SH3D19: variants seen among roughly 807,000 people sequenced by gnomAD.
SH3D19 encodes SH3 domain containing 19.
A neutral mutation model predicts 112.1 loss-of-function variants in SH3D19; 58 were observed. The ratio of observed to expected loss-of-function variants is 0.52; its 90% CI spans 0.42 to 0.64. The LOEUF (loss-of-function observed/expected upper bound fraction) is 0.64. Ranked by LOEUF, SH3D19 falls within the 30% of genes least tolerant of loss-of-function variation. SH3D19 has a pLI of 0.00. For synonymous variants in SH3D19, 391 were observed against 448.5 expected (o/e 0.87, Z 1.62); for missense variants, 1,090 against 1,263.4 (o/e 0.86, Z 2.08).
At chr4:151,241,921 C>T (rs544063568) in intron 1 of SH3D19, among the ~76,000 whole-genome samples, 7 of 149,770 alleles carry the variant, frequency 4.7e-5, no homozygotes, top group African/African-American at 1.3e-4. Flanking sequence ...GGCCAGTGTC[C>T]GTGGCTCATG....
intron 9 of SH3D19, among the ~76,000 whole-genome samples, chr4:151,150,206 A>AAAACAT (rs1273707426): frequency 2.2e-5 from 1 of 46,160 alleles, no homozygotes; most frequent in Non-Finnish European, 4.2e-5. Flanking sequence ...AAAAAAAAAA[A>AAAACAT]ATATATATAT....
At chr4:151,231,564 T>C (rs868199141) in intron 1 of SH3D19, among the ~76,000 whole-genome samples, 1 of 152,166 alleles carries the variant, frequency 6.6e-6, no homozygotes, top group African/African-American at 2.4e-5. Context: ...TGATACCTTT[T>C]CAATAAATAT....
rs1561413445 is a variant in SH3D19, at chr4:151,265,575, T to TTC, written c.113-39490_113-39489insGA. On this transcript the variant is annotated intron_variant, in intron 1 of 19. Coordinates refer to ENST00000604030, the MANE Select transcript of SH3D19 (RefSeq NM_001378122.1). ...TATTTATTTTATTTCTTTTCTTTTT[T>TTC]TTTTTTTTTTTTTTTTTTAAAGACA... Among the ~76,000 whole-genome samples, 93 of 144,860 alleles carry TTC rather than the reference T, an allele frequency of 6.4e-4. No individual in the cohort carries two copies. In the South Asian group the frequency reaches 0.013, roughly 21 times the overall value.
At chr4:151,309,326 TG>T (rs1203383874) in intron 1 of SH3D19, among the ~76,000 whole-genome samples, 1 of 152,248 alleles carries the variant, frequency 6.6e-6, no homozygotes, top group African/African-American at 2.4e-5. Flanking sequence ...GTTCTTTATG[TG>T]GAGCCTACTT....
intron 17 of SH3D19, among the ~76,000 whole-genome samples, chr4:151,130,605 A>C (rs1169918440): frequency 6.6e-6 from 1 of 152,206 alleles, no homozygotes; most frequent in Non-Finnish European, 1.5e-5. Flanking sequence ...TATACAAATG[A>C]AACAAATGTT....
intron 1 of SH3D19, among the ~76,000 whole-genome samples, chr4:151,256,527 C>A (rs780946958): frequency 6.6e-6 from 1 of 152,162 alleles, no homozygotes; most frequent in Non-Finnish European, 1.5e-5. Flanking sequence ...TGTTCGCATT[C>A]ATTGAGAGAC....
At chr4:151,157,541 A>G (rs534335937) in intron 9 of SH3D19, among the ~76,000 whole-genome samples, 2 of 152,310 alleles carry the variant, frequency 1.3e-5, no homozygotes, top group African/African-American at 4.8e-5. Context: ...AAGCTCCTCA[A>G]AAAACTACAA....
At chr4:151,148,560 A>C in intron 10 of SH3D19, among the ~76,000 whole-genome samples, 1 of 152,342 alleles carries the variant, frequency 6.6e-6, no homozygotes, top group East Asian at 1.9e-4. Context: ...TGAAAAGCTT[A>C]TAATAAGATA....
chr4:151,293,606 CT>C (rs1449459245), intron 1 of SH3D19, among the ~76,000 whole-genome samples: 4 of 152,160 alleles, frequency 2.6e-5, no homozygotes, highest in African/African-American at 4.8e-5. Context: ...TTTCTTATGC[CT>C]TCCATTTACA....
At chr4:151,277,404 A>G (rs889132299) in intron 1 of SH3D19, among the ~76,000 whole-genome samples, 2 of 152,138 alleles carry the variant, frequency 1.3e-5, no homozygotes, top group Non-Finnish European at 2.9e-5. Flanking sequence ...TGGAAATAGC[A>G]GTACACACAC....
chr4:151,283,188 T>C, intron 1 of SH3D19: 2 of 1,613,870 alleles, frequency 1.2e-6, no homozygotes, highest in South Asian at 2.2e-5. Flanking sequence ...TGAACAGCTC[T>C]ACAATCCCAT....
intron 1 of SH3D19, among the ~76,000 whole-genome samples, chr4:151,258,354 A>G (rs2149985602): frequency 6.6e-6 from 1 of 152,350 alleles, no homozygotes; most frequent in Non-Finnish European, 1.5e-5. Context: ...TCTAGAGGCC[A>G]AGGACCTAGG....
intron 1 of SH3D19, chr4:151,282,148 G>A: frequency 6.2e-7 from 1 of 1,613,518 alleles, no homozygotes; most frequent in Non-Finnish European, 8.5e-7. Context: ...TTCCCCATAG[G>A]ACCTGGACTA....
At chr4:151,149,002 T>C (rs1754451350) in intron 10 of SH3D19, among the ~76,000 whole-genome samples, 1 of 151,896 alleles carries the variant, frequency 6.6e-6, no homozygotes, top group African/African-American at 2.4e-5. Context: ...CGCGCCACTG[T>C]ACTCCAGCCT....
chr4:151,155,875 C>T (rs1174872266), intron 9 of SH3D19, among the ~76,000 whole-genome samples: 1 of 151,936 alleles, frequency 6.6e-6, no homozygotes, highest in Non-Finnish European at 1.5e-5. Flanking sequence ...GGCGACAGAG[C>T]GAGACTCTGT....
At chr4:151,152,663 C>T (rs1755276305) in intron 9 of SH3D19, among the ~76,000 whole-genome samples, 1 of 151,578 alleles carries the variant, frequency 6.6e-6, no homozygotes, top group Non-Finnish European at 1.5e-5. Flanking sequence ...GGATTACAGG[C>T]ATGCGCCACC....
intron 1 of SH3D19, among the ~76,000 whole-genome samples, chr4:151,263,076 C>A (rs1418216914): frequency 6.6e-6 from 1 of 152,226 alleles, no homozygotes; most frequent in African/African-American, 2.4e-5. Context: ...AGACGCAGTT[C>A]TGCTGTCCCA....
chr4:151,201,419 T>C (rs922221588), intron 2 of SH3D19, among the ~76,000 whole-genome samples: 2 of 152,218 alleles, frequency 1.3e-5, no homozygotes, highest in African/African-American at 4.8e-5. Flanking sequence ...TTTAAAAGCA[T>C]TAATTTAGCT....
chr4:151,236,291 C>T (rs1770035647), intron 1 of SH3D19, among the ~76,000 whole-genome samples: 1 of 152,232 alleles, frequency 6.6e-6, no homozygotes, highest in Non-Finnish European at 1.5e-5. Context: ...GCGGGGGTTC[C>T]AGGTGTGCGT....
Sources: allele counts gnomAD v4.1 joint callset (sites outside exome capture counted in the v4.1 genomes callset), GRCh38; gene constraint gnomAD v4.1.1; transcripts MANE v1.5; gene names NCBI Gene and HGNC (gene_info 2026-07-23, HGNC 2026-07-21).